RGS6: variants seen among roughly 807,000 people sequenced by gnomAD.
RGS6 encodes the protein regulator of G protein signaling 6.
Under a neutral mutation model 78.5 loss-of-function variants are expected in RGS6, and 30 were observed. The observed-to-expected ratio is 0.38, with a 90% CI of 0.29 to 0.52. The LOEUF is 0.52. Among genes scored for constraint, RGS6 ranks in the 20% least tolerant of loss-of-function variants. The probability of loss-of-function intolerance (pLI) is 0.85; values close to 1 mark genes in which losing one functional copy is unlikely to be tolerated. For synonymous variants in RGS6, 206 were observed against 206.0 expected (o/e 1.00, Z 0.00); for missense variants, 495 against 609.7 (o/e 0.81, Z 1.98).
chr14:72,072,530 A>C (rs2094444350), intron 2 of RGS6, among the ~76,000 whole-genome samples: 1 of 152,118 alleles, frequency 6.6e-6, no homozygotes, highest in East Asian at 1.9e-4. Context: ...GATGGTGTCG[A>C]TCTCCTGACC....
chr14:72,443,090 A>G (rs2095260521), intron 3 of RGS6, among the ~76,000 whole-genome samples: 1 of 152,160 alleles, frequency 6.6e-6, no homozygotes, highest in Non-Finnish European at 1.5e-5. Context: ...TAACTTAGGA[A>G]TCTCCACCAG....
At chr14:72,064,792 A>G (rs2094059728) in intron 2 of RGS6, among the ~76,000 whole-genome samples, 1 of 152,198 alleles carries the variant, frequency 6.6e-6, no homozygotes, top group South Asian at 2.1e-4. Context: ...AATAACACAC[A>G]AAGAAATCTC....
At chr14:72,214,589 T>G (rs961186287) in intron 2 of RGS6, among the ~76,000 whole-genome samples, 4 of 152,198 alleles carry the variant, frequency 2.6e-5, no homozygotes, top group African/African-American at 9.7e-5. Flanking sequence ...TCTTTAAAAT[T>G]GCAATTGATA....
chr14:71,923,505 G>A, the RGS6 span, among the ~76,000 whole-genome samples: 39 of 152,264 alleles, frequency 2.6e-4, no homozygotes, highest in African/African-American at 8.7e-4. Flanking sequence ...AGGATTGATT[G>A]AGCCCAGGAG....
chr14:72,509,667 G>A (rs2096854889), intron 13 of RGS6, among the ~76,000 whole-genome samples: 1 of 152,188 alleles, frequency 6.6e-6, no homozygotes, highest in Admixed American at 6.5e-5. Context: ...GCTTTACTCT[G>A]GATGTGTCAA....
intron 2 of RGS6, among the ~76,000 whole-genome samples, chr14:72,044,068 T>C (rs982712759): frequency 6.6e-6 from 1 of 152,222 alleles, no homozygotes; most frequent in Admixed American, 6.5e-5. Flanking sequence ...TCTGATTCTT[T>C]CTTCAGCCAT....
At chr14:72,212,571 GATTTA>G (rs1351231822) in intron 2 of RGS6, among the ~76,000 whole-genome samples, 3 of 152,188 alleles carry the variant, frequency 2.0e-5, no homozygotes, top group African/African-American at 7.2e-5. Context: ...ACACATCAGA[GATTTA>G]ATTATTACAG....
intron 2 of RGS6, among the ~76,000 whole-genome samples, chr14:72,337,582 T>A (rs1453425225): frequency 1.3e-5 from 2 of 151,830 alleles, no homozygotes; most frequent in African/African-American, 4.8e-5. Context: ...GTTCGATGAG[T>A]GGTAGGCAGC....
At chr14:72,541,663 T>G (rs1168638736) in intron 17 of RGS6, 1 of 1,526,400 alleles carries the variant, frequency 6.6e-7, no homozygotes, top group Non-Finnish European at 8.8e-7. Context: ...TTTTGAGGAC[T>G]GGCTACTGTG....
intron 6 of RGS6, among the ~76,000 whole-genome samples, chr14:72,460,008 T>G (rs2095738561): frequency 6.6e-6 from 1 of 152,186 alleles, no homozygotes; most frequent in Non-Finnish European, 1.5e-5. Context: ...TTTTAATTGT[T>G]CTTTCCAGGG....
intron 2 of RGS6, among the ~76,000 whole-genome samples, chr14:72,150,254 T>A (rs1331649787): frequency 1.3e-5 from 2 of 152,144 alleles, no homozygotes; most frequent in Non-Finnish European, 2.9e-5. Context: ...GTTATGCATC[T>A]AGAACCAAGG....
rs576591428 is a variant in RGS6 at position 72,432,500 on chromosome 14, G to A, written c.185-22028G>A. ...AGAAGATAAGACATGCAAGAGGAAG[G>A]ATCATGGAAGAGAGACCCAGAACAT... On this transcript the variant is annotated intron_variant, in intron 3 of 17. Coordinates refer to ENST00000553525, the MANE Select transcript of RGS6 (RefSeq NM_001204424.2). Among the ~76,000 whole-genome samples, 3 of 152,340 alleles carry A rather than the reference G, an allele frequency of 2.0e-5. No individual in the cohort carries two copies. The East Asian group carries it at 5.8e-4, about 29-fold the overall frequency.
At chr14:72,063,015 G>T (rs1469510493) in intron 2 of RGS6, among the ~76,000 whole-genome samples, 1 of 152,118 alleles carries the variant, frequency 6.6e-6, no homozygotes, top group African/African-American at 2.4e-5. Context: ...GCAGAGACAG[G>T]GTTTTGGCAT....
chr14:72,358,962 T>C (rs967291258), intron 3 of RGS6, among the ~76,000 whole-genome samples: 11 of 152,158 alleles, frequency 7.2e-5, no homozygotes, highest in African/African-American at 1.9e-4. Flanking sequence ...GAATCATGGG[T>C]TGGTTACCTC....
chr14:72,495,323 G>A (rs969884543), intron 13 of RGS6, 61 bp downstream of exon 13: 29 of 1,023,460 alleles, frequency 2.8e-5, no homozygotes, highest in Middle Eastern at 4.0e-4. Flanking sequence ...ATGAGATCAT[G>A]AGATTACCTT....
At chr14:71,927,880 G>C (rs1049870686), upstream of RGS6, among the ~76,000 whole-genome samples, 3 of 151,736 alleles carry the variant, frequency 2.0e-5, no homozygotes, top group East Asian at 1.9e-4. Context: ...GGATGGTCTC[G>C]ATCTCCTGAC....
intron 2 of RGS6, among the ~76,000 whole-genome samples, chr14:72,207,616 A>T (rs944895029): frequency 6.6e-6 from 1 of 152,028 alleles, no homozygotes; most frequent in Admixed American, 6.6e-5. Flanking sequence ...CAACACCTTT[A>T]TCTTCAACTC....
chr14:72,416,114 C>A (rs2093792376), intron 3 of RGS6, among the ~76,000 whole-genome samples: 1 of 147,780 alleles, frequency 6.8e-6, no homozygotes, highest in South Asian at 2.1e-4. Flanking sequence ...CACTGCACCC[C>A]AGCCTGGGTG....
chr14:72,052,975 TTCTTTCTTTCTCTCTC>T lies in RGS6; in HGVS notation c.84+88104_84+88119del, dbSNP rs1190370731. Among the ~76,000 whole-genome samples, 152 of 51,376 alleles carry T rather than the reference TTCTTTCTTTCTCTCTC, an allele frequency of 3.0e-3. 2 individuals are homozygous for T. Among genetic ancestry groups the T allele is most frequent in the African/African-American group, 0.018 (132 of 7,486 alleles). 33.7% of individuals were successfully genotyped at this position (51,376 alleles called of 152,430 possible). ...TTTCTTTCTTTCTTTCTTTCTTTCT[TTCTTTCTTTCTCTCTC>T]TCTCTCTCTCTCTCTTTCTTTCCTT... On this transcript the variant is annotated intron_variant, in intron 2 of 17. Coordinates refer to ENST00000553525, the MANE Select transcript of RGS6 (RefSeq NM_001204424.2).
Sources: gnomAD v4.1 joint callset for allele counts (sites outside exome capture counted in the v4.1 genomes callset) on GRCh38, gnomAD v4.1.1 for gene constraint, MANE v1.5 for transcripts, NCBI Gene and HGNC (gene_info 2026-07-23, HGNC 2026-07-21) for gene names.